ZNF75A: variants seen among roughly 807,000 people sequenced by gnomAD.
ZNF75A encodes the protein zinc finger protein 75A.
Under a neutral mutation model 46.3 loss-of-function variants are expected in ZNF75A, and 36 were observed. The observed-to-expected ratio is 0.78, with a 90% CI of 0.60 to 1.03. ZNF75A has a LOEUF of 1.03. Among genes scored for constraint, ZNF75A ranks in the 50% least tolerant of loss-of-function variants. The probability of loss-of-function intolerance (pLI) is 0.00; values close to 1 mark genes in which losing one functional copy is unlikely to be tolerated. For missense variants in ZNF75A, 595 were observed against 551.3 expected, an observed-to-expected ratio of 1.08 and a Z score of -0.79; for synonymous variants, 234 against 189.9, an observed-to-expected ratio of 1.23 and a Z score of -1.91.
downstream of ZNF75A, among the ~76,000 whole-genome samples, chr16:3,319,783 A>ATTTTTTTTTTTTTTTTTTTTTTTTTTT (rs55767869): frequency 7.5e-6 from 1 of 133,296 alleles, no homozygotes; most frequent in Non-Finnish European, 1.6e-5. Context: ...GAAGCTTTTC[A>ATTTTTTTTTTTTTTTTTTTTTTTTTTT]TTTTTTTTTT....
rs140383789 is a variant in ZNF75A, at chr16:3,314,687, C to T, written c.823+1512C>T. 2,132 of 985,222 alleles carry T rather than the reference C, an allele frequency of 2.2e-3. 6 individuals carry two copies. The highest frequency in any genetic ancestry group is 0.014 in the Middle Eastern group (26 of 1,914). 61.0% of individuals were successfully genotyped at this position (985,222 alleles called of 1,614,324 possible). A position where few individuals can be genotyped will look rare whatever the true frequency, so the allele number is the denominator to read the frequency against. ...CACCTGGCCTACCATGCAGTTCATA[C>T]GCAGTTAGGCTGCTTCTGCAGTGGC... On this transcript the variant is annotated intron_variant, in intron 5 of 6. Transcript: ENST00000669516.
chr16:3,306,204 C>A (rs1046215100), intron 1 of ZNF75A: 9 of 152,240 alleles, frequency 5.9e-5, no homozygotes, highest in Middle Eastern at 3.4e-3. Context: ...CTCAGCCCCC[C>A]TTAGAAGTCT....
chr16:3,310,639 A>G (rs1960693324), intron 2 of ZNF75A: 1 of 982,154 alleles, frequency 1.0e-6, no homozygotes, highest in African/African-American at 1.8e-5. Flanking sequence ...AACAAAACAA[A>G]CAAACAAAAA....
Position 3,318,800 on chromosome 16 carries a change from G to C in ZNF75A, c.*931G>C, listed in dbSNP as rs888300332. 3 of 985,338 alleles carry C rather than the reference G, an allele frequency of 3.0e-6. No individual in the cohort carries two copies. The highest frequency in any genetic ancestry group is 3.5e-5 in the African/African-American group (2 of 57,230). 61.0% of individuals were successfully genotyped at this position (985,338 alleles called of 1,614,324 possible). A position where few individuals can be genotyped will look rare whatever the true frequency, so the allele number is the denominator to read the frequency against. On this transcript the variant is annotated 3_prime_UTR_variant, in exon 7 of 7. Coordinates refer to ENST00000669516, the MANE Select transcript of ZNF75A (RefSeq NM_001302109.2). ...GTGGCTCATTTGGCATGGAGACCTG[G>C]ACATGTAGTCAGCAGGAGACGGTTC...
At chr16:3,322,065 T>G (rs1240535420), downstream of ZNF75A, among the ~76,000 whole-genome samples, 1 of 152,180 alleles carries the variant, frequency 6.6e-6, no homozygotes, top group African/African-American at 2.4e-5. Flanking sequence ...AAGGCTGCCC[T>G]GTTACTCTTC....
Position 3,308,847 on chromosome 16 carries a change from A to G in ZNF75A, c.408+11A>G. 1 of 985,850 alleles carries G rather than the reference A, an allele frequency of 1.0e-6. No homozygotes were observed. Among genetic ancestry groups the G allele is most frequent in the Non-Finnish European group, 1.2e-6 (1 of 829,986 alleles). 61.1% of individuals were successfully genotyped at this position (985,850 alleles called of 1,614,324 possible). A position where few individuals can be genotyped will look rare whatever the true frequency, so the allele number is the denominator to read the frequency against. ...CAAACATGGAATGGGGTGAGAAGAAAGATTCCTGACATGTACAGTGAAATA... is the reference window on the plus strand; with the variant it reads ...CAAACATGGAATGGGGTGAGAAGAAGGATTCCTGACATGTACAGTGAAATA... On this transcript the variant is annotated intron_variant, in intron 2 of 6. Transcript: ENST00000669516.
rs1961231697 is a variant in ZNF75A at position 3,316,701 on chromosome 16, A to C, written c.824-211A>C. 1.2e-5 allele frequency: 5 copies of C among 424,314 alleles called. No individual in the cohort carries two copies. The South Asian group carries it at 2.0e-4, about 17-fold the overall frequency. 26.3% of individuals were successfully genotyped at this position (424,314 alleles called of 1,614,324 possible). A position where few individuals can be genotyped will look rare whatever the true frequency, so the allele number is the denominator to read the frequency against. Reference sequence around the variant, plus strand: ...TTCCCTATATCCTTTTCATTGATCCACCGTAGATTTATTTCTTAGTCTCTG... The same window carrying C: ...TTCCCTATATCCTTTTCATTGATCCCCCGTAGATTTATTTCTTAGTCTCTG... On this transcript the variant is annotated intron_variant, in intron 5 of 6. Transcript: ENST00000669516.
At chr16:3,315,634 A>G (rs1168188850) in intron 5 of ZNF75A, among the ~76,000 whole-genome samples, 1 of 152,166 alleles carries the variant, frequency 6.6e-6, no homozygotes, top group Non-Finnish European at 1.5e-5. Flanking sequence ...GATCTAAGCC[A>G]GTGTCATCTT....
chr16:3,321,017 G>A (rs1452520305), downstream of ZNF75A, among the ~76,000 whole-genome samples: 12 of 152,130 alleles, frequency 7.9e-5, no homozygotes, highest in Non-Finnish European at 1.6e-4. Context: ...ATAACATGAT[G>A]TCTCATAACA....
At position 3,317,821 on chromosome 16, in the gene ZNF75A, C is replaced by G; in HGVS notation, c.1566C>G (p.Asn522Lys). ...QPYTCSICRR[N>K]FSRRSSLLRH... ...ATACTTGTAGCATATGCAGGAGAAA[C>G]TTCAGCAGGCGGTCAAGCCTTCTTA... The change falls in exon 7 of 7, where the codon AAC (asparagine) becomes AAG (lysine). Residue 522 changes from asparagine to lysine, a missense_variant. Physicochemically the swap from Asn to Lys is moderately conservative, Grantham distance 94. Transcript: ENST00000669516. The G allele has an allele frequency of 6.2e-7, 1 of 1,613,588 alleles. No individual in the cohort carries two copies. Among genetic ancestry groups the G allele is most frequent in the Non-Finnish European group, 8.5e-7 (1 of 1,179,670 alleles).
At position 3,315,050 on chromosome 16, in the gene ZNF75A, G is replaced by A. The variant is rs369457515; in HGVS notation, c.824-1862G>A. 4.2e-5 allele frequency: 41 copies of A among 985,072 alleles called. No homozygotes were observed. In the Admixed American group the frequency reaches 1.0e-3, roughly 25 times the overall value. The allele number at this position is 985,072 out of a possible 1,614,324, so 61.0% of individuals were successfully genotyped here. On this transcript the variant is annotated intron_variant, in intron 5 of 6. Transcript: ENST00000669516. ...ACCTGGGGAGCTTTTCCAGATGTACGTGCTCATTCCTTGTCCTACGTGGAG... is the reference window on the plus strand; with the variant it reads ...ACCTGGGGAGCTTTTCCAGATGTACATGCTCATTCCTTGTCCTACGTGGAG...
At chr16:3,315,131 T>A (rs1392952279) in intron 5 of ZNF75A, 2 of 972,670 alleles carry the variant, frequency 2.1e-6, no homozygotes, top group African/African-American at 3.5e-5. Flanking sequence ...GTTTTTCCCA[T>A]CTCAGTAAGG....
intron 5 of ZNF75A, 166 bp from the exon 6 acceptor site, chr16:3,316,746 A>G (rs932452671): frequency 2.2e-5 from 11 of 499,364 alleles, no homozygotes; most frequent in Non-Finnish European, 3.6e-5. Context: ...GCTACCTATA[A>G]GTATAACATA....
In ZNF75A at chr16:3,308,903, C is replaced by G. The variant is rs1422788979; in HGVS notation, c.408+67C>G. 6.4e-6 allele frequency: 6 copies of G among 942,476 alleles called. 1 individual carries two copies. Among genetic ancestry groups the G allele is most frequent in the Non-Finnish European group, 7.6e-6 (6 of 791,406 alleles). 58.4% of individuals were successfully genotyped at this position (942,476 alleles called of 1,614,324 possible). A position where few individuals can be genotyped will look rare whatever the true frequency, so the allele number is the denominator to read the frequency against. The stretch of plus-strand genomic sequence containing the variant: ...CAGGTGGATATAGTAGAGATGGTGG[C>G]AGTTAGTTGAGAAATTAGATGGATT... On this transcript the variant is annotated intron_variant, in intron 2 of 6. Transcript: ENST00000669516.
Position 3,317,255 on chromosome 16 carries a change from G to A in ZNF75A, c.1000G>A (p.Ala334Thr). ...PVSLSDLEIQ[A>T]SAGVISKKAK... ...GTCTCTTTCTGACTTAGAAATACAAGCATCAGCAGGCGTCATATCAAAAAA... is the reference window on the plus strand; with the variant it reads ...GTCTCTTTCTGACTTAGAAATACAAACATCAGCAGGCGTCATATCAAAAAA... The change falls in exon 7 of 7, where the codon GCA becomes ACA. Residue 334 changes from alanine to threonine, a missense_variant. Physicochemically the swap from Ala to Thr is moderately conservative, Grantham distance 58. Transcript: ENST00000669516. The A allele has an allele frequency of 6.2e-6, 10 of 1,613,926 alleles. No homozygotes were observed. Among genetic ancestry groups the A allele is most frequent in the Non-Finnish European group, 8.5e-6 (10 of 1,179,990 alleles).
At position 3,317,721 on chromosome 16, in the gene ZNF75A, A is replaced by C. The variant is rs1373189475; in HGVS notation, c.1466A>C (p.His489Pro). 6.2e-7 allele frequency: 1 copy of C among 1,614,126 alleles called. No individual in the cohort carries two copies. The highest frequency in any genetic ancestry group is 1.3e-5 in the African/African-American group (1 of 74,952). Residue 489 changes from histidine to proline, a missense_variant, in exon 7 of 7, where the codon CAT (histidine) becomes CCT (proline). Coordinates refer to ENST00000669516, the MANE Select transcript of ZNF75A (RefSeq NM_001302109.2). ...ACAGGAGAAAAGCCCTTCACATGTC[A>C]TGAATGTGGAAAAAAATTCAGTCAG... ...THTGEKPFTC[H>P]ECGKKFSQNS...
At chr16:3,322,289 T>C (rs1235966252), downstream of ZNF75A, among the ~76,000 whole-genome samples, 1 of 152,214 alleles carries the variant, frequency 6.6e-6, no homozygotes, top group Non-Finnish European at 1.5e-5. Flanking sequence ...TGTCACTTTT[T>C]CTTGTGTGGG....
Position 3,317,449 on chromosome 16 carries a change from A to T in ZNF75A, c.1194A>T (p.Arg398Ser), listed in dbSNP as rs1961304214. The part of the protein sequence containing the change: ...LMDRHKKDCA[R>S]EKPFKCQECG... ...ATCGTCACAAGAAAGATTGTGCAAGAGAGAAGCCTTTTAAATGTCAGGAAT... is the reference window on the plus strand; with the variant it reads ...ATCGTCACAAGAAAGATTGTGCAAGTGAGAAGCCTTTTAAATGTCAGGAAT... The change falls in exon 7 of 7, where the codon AGA becomes AGT. Residue 398 changes from arginine to serine, a missense_variant. Physicochemically the swap from Arg to Ser is moderately radical, Grantham distance 110 (BLOSUM62 -1). Coordinates refer to ENST00000669516, the MANE Select transcript of ZNF75A (RefSeq NM_001302109.2). 3 of 1,614,058 alleles carry T rather than the reference A, an allele frequency of 1.9e-6. No homozygotes were observed. The South Asian group carries it at 3.3e-5, about 18-fold the overall frequency.
In ZNF75A at chr16:3,317,420, A is replaced by G. The variant is rs781507845; in HGVS notation, c.1165A>G (p.Met389Val). 10 of 1,614,088 alleles carry G rather than the reference A, an allele frequency of 6.2e-6. No individual in the cohort carries two copies. Among genetic ancestry groups the G allele is most frequent in the African/African-American group, 1.3e-5 (1 of 74,946 alleles). ...CTGGAAACAAGAGCTGCTCAAACTT[A>G]TGGATCGTCACAAGAAAGATTGTGC... ...STWKQELLKLMDRHKKDCARE... is the reference protein window; with the variant it reads ...STWKQELLKLVDRHKKDCARE... Residue 389 changes from methionine to valine, a missense_variant, in exon 7 of 7, where the codon ATG (methionine) becomes GTG (valine). Met to Val is a conservative substitution (Grantham distance 21, BLOSUM62 1). Transcript: ENST00000669516.
Sources: gnomAD v4.1 joint callset for allele counts (sites outside exome capture counted in the v4.1 genomes callset) on GRCh38, gnomAD v4.1.1 for gene constraint, MANE v1.5 for transcripts, NCBI Gene and HGNC (gene_info 2026-07-23, HGNC 2026-07-21) for gene names.